CDC25C: variants seen among roughly 807,000 people sequenced by gnomAD.
The protein encoded by CDC25C is cell division cycle 25C.
In CDC25C, 48 loss-of-function variants were observed where a neutral mutation model predicts 52.5. The ratio of observed to expected loss-of-function variants is 0.91; its 90% confidence interval spans 0.72 to 1.16. The LOEUF (loss-of-function observed/expected upper bound fraction) is 1.16. Among genes scored for constraint, CDC25C ranks in the 50% most tolerant of loss-of-function variants. The probability of loss-of-function intolerance (pLI) is 0.00; values close to 1 mark genes in which losing one functional copy is unlikely to be tolerated. For synonymous variants in CDC25C, 187 were observed against 206.5 expected (o/e 0.91, Z 0.81); for missense variants, 510 against 566.1 (o/e 0.90, Z 1.01).
intron 1 of CDC25C, 94 bp from the exon 2 acceptor site, chr5:138,331,312 A>G: frequency 1.1e-6 from 1 of 881,586 alleles, no homozygotes; most frequent in Admixed American, 2.3e-5. Flanking sequence ...TCAACACTGG[A>G]AGAGGGGCAA....
chr5:138,292,480 CAAAAAAAAAAAAA>C (rs70982703), intron 7 of CDC25C, among the ~76,000 whole-genome samples: 1 of 63,510 alleles, frequency 1.6e-5, no homozygotes, highest in Non-Finnish European at 2.8e-5. Context: ...GTTATGTGAC[CAAAAAAAAAAAAA>C]AAAAAAAAAA....
At chr5:138,292,499 A>C (rs1025701868) in intron 7 of CDC25C, among the ~76,000 whole-genome samples, 2 of 151,858 alleles carry the variant, frequency 1.3e-5, no homozygotes, top group African/African-American at 4.8e-5. Flanking sequence ...AAAAAAAAAA[A>C]AAAACATAAG....
chr5:138,319,542 A>G lies in CDC25C; in HGVS notation c.460-168T>C, dbSNP rs569467202. ...CAGGTAACGAAAGAAAAAAACAGATAAATTGGTCTTCATCAAAATGGAAAA... is the reference window on the plus strand; with the variant it reads ...CAGGTAACGAAAGAAAAAAACAGATGAATTGGTCTTCATCAAAATGGAAAA... On this transcript the variant is annotated intron_variant, in intron 6 of 13. Coordinates refer to ENST00000323760, the MANE Select transcript of CDC25C (RefSeq NM_001790.5). 9.8e-5 allele frequency among the ~76,000 whole-genome samples: 15 copies of G among 152,348 alleles called. No homozygotes were observed. The South Asian group carries it at 3.1e-3, about 32-fold the overall frequency.
At chr5:138,297,275 G>A (rs1757284632) in intron 7 of CDC25C, among the ~76,000 whole-genome samples, 2 of 151,962 alleles carry the variant, frequency 1.3e-5, no homozygotes, top group African/African-American at 4.8e-5. Context: ...TGGCCACACT[G>A]GTCTCGAACT....
rs187968071 is a variant in CDC25C, at chr5:138,314,463, T to G, written c.615+4756A>C. 4.5e-4 allele frequency among the ~76,000 whole-genome samples: 68 copies of G among 151,480 alleles called. 1 individual carries two copies. In the South Asian group the frequency reaches 5.6e-3, roughly 13 times the overall value. The stretch of plus-strand genomic sequence containing the variant: ...GGCACCTGCCACCACACCCAGCTAA[T>G]TTTTGTATTTTTAGTAGAGCCAAGG... On this transcript the variant is annotated intron_variant, in intron 7 of 13. Transcript: ENST00000323760.
intron 1 of CDC25C, chr5:138,337,904 C>A (rs1760826462): frequency 8.1e-7 from 1 of 1,237,644 alleles, no homozygotes; most frequent in African/African-American, 1.6e-5. Flanking sequence ...GAGTGGGAGG[C>A]TGCAGTTGGG....
chr5:138,313,995 C>CTT (rs766176155), intron 7 of CDC25C, among the ~76,000 whole-genome samples: 1,192 of 112,666 alleles, frequency 0.011, 23 homozygotes, highest in African/African-American at 0.027. Context: ...TTCTTTCTTT[C>CTT]TTTTTTTTTT....
intron 7 of CDC25C, among the ~76,000 whole-genome samples, chr5:138,316,505 T>C (rs913646903): frequency 1.2e-4 from 18 of 152,166 alleles, no homozygotes; most frequent in Middle Eastern, 3.4e-3. Context: ...GAGGTTCCTG[T>C]AAGTCCCCAC....
chr5:138,292,167 C>A, intron 7 of CDC25C, 51 bp from the exon 8 acceptor site: 1 of 1,449,324 alleles, frequency 6.9e-7, no homozygotes. Flanking sequence ...AGTGTGTCTG[C>A]AGACCTGCAG....
intron 6 of CDC25C, among the ~76,000 whole-genome samples, chr5:138,321,362 T>C (rs1185607667): frequency 1.3e-5 from 2 of 152,070 alleles, no homozygotes; most frequent in African/African-American, 4.8e-5. Flanking sequence ...ATGTACATTT[T>C]ACTGCAATTA....
At chr5:138,292,816 T>A (rs907073064) in intron 7 of CDC25C, among the ~76,000 whole-genome samples, 2 of 152,142 alleles carry the variant, frequency 1.3e-5, no homozygotes, top group Non-Finnish European at 2.9e-5. Flanking sequence ...ATATTCAGAG[T>A]TGAGGGTCTA....
In CDC25C at chr5:138,319,308, A is replaced by G; in HGVS notation, c.526T>C (p.Leu176=). 1 of 1,613,630 alleles carries G rather than the reference A, an allele frequency of 6.2e-7. No individual in the cohort carries two copies. The highest frequency in any genetic ancestry group is 1.7e-5 in the Admixed American group (1 of 60,026). Residue 176 remains leucine (L), a synonymous_variant, in exon 7 of 14, where the codon TTG becomes CTG. Transcript: ENST00000323760. The part of the protein sequence containing the change: ...LGSPITTVPK[L]DKNPNLGEDQ... ...TCTCCTAGGTTTGGATTTTTATCCA[A>G]TTTTGGAACAGTAGTAATGGGACTG...
In CDC25C at chr5:138,292,079, G is replaced by A; in HGVS notation, c.653C>T (p.Pro218Leu). Reference sequence around the variant, plus strand: ...CAGTCTTGGCCTGTTCAAGTTCTCTGGCATCGACGGGGAGCGATATAGGCC... The same window carrying A: ...CAGTCTTGGCCTGTTCAAGTTCTCTAGCATCGACGGGGAGCGATATAGGCC... Reference protein sequence around the residue: ...RSGLYRSPSMPENLNRPRLKQ... With the variant: ...RSGLYRSPSMLENLNRPRLKQ... Residue 218 changes from proline to leucine, a missense_variant, in exon 8 of 14, where the codon CCA becomes CTA. Physicochemically the swap from Pro to Leu is moderately conservative, Grantham distance 98. Coordinates refer to ENST00000323760, the MANE Select transcript of CDC25C (RefSeq NM_001790.5). 5.0e-6 allele frequency: 8 copies of A among 1,612,912 alleles called. No homozygotes were observed. The highest frequency in any genetic ancestry group is 6.8e-6 in the Non-Finnish European group (8 of 1,179,454).
intron 7 of CDC25C, among the ~76,000 whole-genome samples, chr5:138,296,517 TCTC>T (rs1757193476): frequency 6.6e-6 from 1 of 152,058 alleles, no homozygotes; most frequent in African/African-American, 2.4e-5. Flanking sequence ...TTCAAATGAT[TCTC>T]CTGTCTCAGC....
At chr5:138,325,979 C>T (rs746428991) in intron 5 of CDC25C, 42 bp downstream of exon 5, 1 of 1,613,642 alleles carries the variant, frequency 6.2e-7, no homozygotes, top group Non-Finnish European at 8.5e-7. Context: ...TGCCTCCCAC[C>T]TGAAAAGCAA....
rs11567969 is a variant in CDC25C at position 138,327,612 on chromosome 5, T to A, written c.335+872A>T. Reference sequence around the variant, plus strand: ...AGATGGCACCACTGCACTCCATCCTTGGCAACAGAGCCAGACTCCATCTCA... The same window carrying A: ...AGATGGCACCACTGCACTCCATCCTAGGCAACAGAGCCAGACTCCATCTCA... On this transcript the variant is annotated intron_variant, in intron 4 of 13. Transcript: ENST00000323760. Among the ~76,000 whole-genome samples, 645 of 151,944 alleles carry A rather than the reference T, an allele frequency of 4.2e-3. 5 individuals carry two copies. Among genetic ancestry groups the A allele is most frequent in the African/African-American group, 0.014 (597 of 41,444 alleles).
At position 138,319,203 on chromosome 5, in the gene CDC25C, C is replaced by T; in HGVS notation, c.615+16G>A. 1.2e-6 allele frequency: 2 copies of T among 1,600,374 alleles called. No homozygotes were observed. The highest frequency in any genetic ancestry group is 2.2e-5 in the South Asian group (2 of 90,148). ...GAATATGAAGAATACAAAGATACTACCACAGAACACTTTACCTTTGCTTCT... is the reference window on the plus strand; with the variant it reads ...GAATATGAAGAATACAAAGATACTATCACAGAACACTTTACCTTTGCTTCT... On this transcript the variant is annotated intron_variant, in intron 7 of 13. Transcript: ENST00000323760.
chr5:138,321,344 TA>T (rs1475441186), intron 6 of CDC25C, among the ~76,000 whole-genome samples: 41 of 152,116 alleles, frequency 2.7e-4, no homozygotes, highest in Admixed American at 2.7e-3. Context: ...GTTAAAATTG[TA>T]AATATTATGT....
chr5:138,296,470 G>C (rs1757190291), intron 7 of CDC25C, among the ~76,000 whole-genome samples: 1 of 151,942 alleles, frequency 6.6e-6, no homozygotes, highest in African/African-American at 2.4e-5. Flanking sequence ...GAGCGAAATG[G>C]CGTGATCTCA....
Sources: allele counts gnomAD v4.1 joint callset (sites outside exome capture counted in the v4.1 genomes callset), GRCh38; gene constraint gnomAD v4.1.1; transcripts MANE v1.5; gene names NCBI Gene and HGNC (gene_info 2026-07-23, HGNC 2026-07-21).